FLYWCH2: variants seen among roughly 807,000 people sequenced by gnomAD.
FLYWCH2 encodes the protein FLYWCH family member 2.
FLYWCH2 carries 2 observed loss-of-function variants against 6.0 expected under a neutral mutation model. That is an observed-to-expected ratio of 0.33 (90% CI 0.14 to 1.04). The LOEUF is 1.04. Among genes scored for constraint, FLYWCH2 ranks in the 50% least tolerant of loss-of-function variants. The probability of loss-of-function intolerance (pLI) is 0.45; values close to 1 mark genes in which losing one functional copy is unlikely to be tolerated. For synonymous variants in FLYWCH2, 87 were observed against 79.3 expected (o/e 1.10, Z -0.52); for missense variants, 192 against 183.4 (o/e 1.05, Z -0.27).
At chr16:2,887,493 G>C (rs1428268891) in intron 1 of FLYWCH2, among the ~76,000 whole-genome samples, 3 of 151,546 alleles carry the variant, frequency 2.0e-5, no homozygotes, top group African/African-American at 7.3e-5. Context: ...TTTTGTATAT[G>C]CTGTGAGGAA....
Position 2,896,473 on chromosome 16 carries a change from G to A in FLYWCH2, c.24G>A (p.Glu8=), listed in dbSNP as rs772779266. Reference sequence around the variant, plus strand: ...GGATGCCCCTGCCCGAGCCCAGCGAGCAGGAGGGTGAGAGTGTGAAGGCCA... The same window carrying A: ...GGATGCCCCTGCCCGAGCCCAGCGAACAGGAGGGTGAGAGTGTGAAGGCCA... MPLPEPS[E]QEGESVKASQ... The change falls in exon 3 of 4, where the codon GAG becomes GAA. Residue 8 remains glutamate (E), a synonymous_variant. Transcript: ENST00000396958. The A allele has an allele frequency of 6.8e-6, 11 of 1,613,366 alleles. No homozygotes were observed. Among genetic ancestry groups the A allele is most frequent in the African/African-American group, 4.0e-5 (3 of 74,908 alleles).
At chr16:2,894,014 C>T (rs1051347804) in intron 1 of FLYWCH2, among the ~76,000 whole-genome samples, 1 of 152,106 alleles carries the variant, frequency 6.6e-6, no homozygotes, top group Admixed American at 6.5e-5. Flanking sequence ...GGAGGTGCCT[C>T]AGGTGCCAAA....
At chr16:2,895,029 C>T (rs780643780) in intron 1 of FLYWCH2, among the ~76,000 whole-genome samples, 191 bp from the exon 2 acceptor site, 16 of 152,186 alleles carry the variant, frequency 1.1e-4, no homozygotes, top group Admixed American at 4.6e-4. Flanking sequence ...AAGCTGCAGT[C>T]TTGTGTCTAG....
At chr16:2,895,629 A>G (rs1283048941) in intron 2 of FLYWCH2, among the ~76,000 whole-genome samples, 4 of 152,188 alleles carry the variant, frequency 2.6e-5, no homozygotes, top group African/African-American at 7.2e-5. Flanking sequence ...ACAAACAAAC[A>G]AAAAGAACCA....
intron 1 of FLYWCH2, among the ~76,000 whole-genome samples, chr16:2,889,131 TTTG>T (rs963112145): frequency 6.5e-4 from 67 of 103,580 alleles, no homozygotes; most frequent in African/African-American, 1.2e-3. Flanking sequence ...TTGGTGTTTT[TTTG>T]TTGTTGTTGT....
At chr16:2,897,031 G>A (rs1232540348) in intron 3 of FLYWCH2, 4 of 562,366 alleles carry the variant, frequency 7.1e-6, no homozygotes, top group African/African-American at 1.9e-5. Context: ...CCTTCACAAG[G>A]GAGGGTCTGA....
intron 3 of FLYWCH2, among the ~76,000 whole-genome samples, chr16:2,898,227 C>T (rs576026035): frequency 3.7e-4 from 56 of 152,164 alleles, no homozygotes; most frequent in Non-Finnish European, 8.1e-4. Flanking sequence ...TAATGGACCC[C>T]TCGGCCTCCA....
Position 2,896,402 on chromosome 16 carries a change from C to T in FLYWCH2, c.-48C>T, listed in dbSNP as rs761558856. 4 of 1,545,942 alleles carry T rather than the reference C, an allele frequency of 2.6e-6. No homozygotes were observed. Among genetic ancestry groups the T allele is most frequent in the Non-Finnish European group, 3.5e-6 (4 of 1,150,932 alleles). On this transcript the variant is annotated 5_prime_UTR_variant, in exon 3 of 4. Coordinates refer to ENST00000396958, the MANE Select transcript of FLYWCH2 (RefSeq NM_138439.3). ...CTTGCCTGGGAGTAGGAGAAATCCACCTGCTGGGGGCTGAGTGTGGCCTGA... is the reference window on the plus strand; with the variant it reads ...CTTGCCTGGGAGTAGGAGAAATCCATCTGCTGGGGGCTGAGTGTGGCCTGA...
In FLYWCH2 at chr16:2,897,050, C is replaced by T. The variant is rs8051991; in HGVS notation, c.322+279C>T. Among the ~76,000 whole-genome samples the T allele has an allele frequency of 0.26, 38,814 of 152,148 alleles. 4,980 individuals carry two copies. Among genetic ancestry groups the T allele is most frequent in the Admixed American group, 0.28 (4,341 of 15,284 alleles). On this transcript the variant is annotated intron_variant, in intron 3 of 3. Transcript: ENST00000396958. ...CACAAGGGAGGGTCTGAGGGTGCGG[C>T]GGGGCCCACAGGCAGCTGCCGTCAG...
chr16:2,896,141 G>C (rs1009591090), intron 2 of FLYWCH2, among the ~76,000 whole-genome samples: 1 of 152,204 alleles, frequency 6.6e-6, no homozygotes, highest in Admixed American at 6.5e-5. Flanking sequence ...ACCTTTTCCA[G>C]ATGGGGAAAG....
intron 1 of FLYWCH2, among the ~76,000 whole-genome samples, chr16:2,886,337 C>G (rs924478373): frequency 6.6e-6 from 1 of 151,116 alleles, no homozygotes; most frequent in Admixed American, 6.6e-5. Context: ...GGATTACAGG[C>G]ATGTGCCACC....
chr16:2,896,501 C>T lies in FLYWCH2; in HGVS notation c.52C>T (p.Gln18Ter). Residue 18 changes from glutamine to a stop codon, truncating the protein, a stop_gained, in exon 3 of 4, where the codon CAG becomes TAG. Transcript: ENST00000396958. LOFTEE classifies it high-confidence loss of function. ...EQEGESVKAS[Q>*]EPSPKPGTEV... Reference sequence around the variant, plus strand: ...GGAGGGTGAGAGTGTGAAGGCCAGCCAGGAGCCATCCCCCAAGCCAGGCAC... The same window carrying T: ...GGAGGGTGAGAGTGTGAAGGCCAGCTAGGAGCCATCCCCCAAGCCAGGCAC... 3.7e-6 allele frequency: 6 copies of T among 1,614,062 alleles called. No homozygotes were observed. Among genetic ancestry groups the T allele is most frequent in the Non-Finnish European group, 5.1e-6 (6 of 1,179,966 alleles).
intron 1 of FLYWCH2, among the ~76,000 whole-genome samples, chr16:2,887,148 G>GT (rs773462112): frequency 2.4e-4 from 37 of 151,676 alleles, no homozygotes; most frequent in Non-Finnish European, 3.5e-4. Flanking sequence ...ATAATTTTTT[G>GT]TTTTTTTGTT....
At chr16:2,893,786 C>T (rs1478567687) in intron 1 of FLYWCH2, among the ~76,000 whole-genome samples, 5 of 151,920 alleles carry the variant, frequency 3.3e-5, no homozygotes, top group Non-Finnish European at 4.4e-5. Flanking sequence ...TACGGGCGCC[C>T]GCCACCACGC....
intron 1 of FLYWCH2, among the ~76,000 whole-genome samples, chr16:2,885,316 CAA>C (rs56239034): frequency 2.6e-5 from 4 of 151,556 alleles, no homozygotes; most frequent in Admixed American, 6.6e-5. Flanking sequence ...GACTCCGTCT[CAA>C]AAAAACAAAA....
intron 1 of FLYWCH2, among the ~76,000 whole-genome samples, chr16:2,889,072 A>T (rs147383847): frequency 2.5e-4 from 38 of 151,978 alleles, no homozygotes; most frequent in Admixed American, 4.6e-4. Context: ...TGATTCATAA[A>T]ACACAGTTCC....
Position 2,896,395 on chromosome 16 carries a change from A to G in FLYWCH2, c.-55A>G, listed in dbSNP as rs1596339422. ...CAGGTTCCTTGCCTGGGAGTAGGAGAAATCCACCTGCTGGGGGCTGAGTGT... is the reference window on the plus strand; with the variant it reads ...CAGGTTCCTTGCCTGGGAGTAGGAGGAATCCACCTGCTGGGGGCTGAGTGT... On this transcript the variant is annotated 5_prime_UTR_variant, in exon 3 of 4. Coordinates refer to ENST00000396958, the MANE Select transcript of FLYWCH2 (RefSeq NM_138439.3). 1 of 1,537,714 alleles carries G rather than the reference A, an allele frequency of 6.5e-7. No homozygotes were observed. Among genetic ancestry groups the G allele is most frequent in the East Asian group, 2.3e-5 (1 of 44,076 alleles).
chr16:2,897,903 T>C (rs900288578), intron 3 of FLYWCH2, among the ~76,000 whole-genome samples: 6 of 143,908 alleles, frequency 4.2e-5, no homozygotes, highest in African/African-American at 1.6e-4. Flanking sequence ...GGGAGTGGGC[T>C]CTGCCGTGCC....
chr16:2,887,409 C>A (rs188287804), intron 1 of FLYWCH2, among the ~76,000 whole-genome samples: 1 of 150,934 alleles, frequency 6.6e-6, no homozygotes, highest in East Asian at 2.0e-4. Flanking sequence ...GATCTGCCCA[C>A]CTCAGCCTCC....
Sources: allele counts gnomAD v4.1 joint callset (sites outside exome capture counted in the v4.1 genomes callset), GRCh38; gene constraint gnomAD v4.1.1; transcripts MANE v1.5; gene names NCBI Gene and HGNC (gene_info 2026-07-23, HGNC 2026-07-21).